LMOD1: variants seen among roughly 807,000 people sequenced by gnomAD.
LMOD1 encodes leiomodin-1.
LMOD1 carries 8 observed loss-of-function variants against 36.5 expected under a neutral mutation model. That is an observed-to-expected ratio of 0.22 (90% confidence interval 0.13 to 0.40). The LOEUF is 0.40. LMOD1 is among the 10% of genes least tolerant of loss of function. The probability of loss-of-function intolerance (pLI) is 1.00; values close to 1 mark genes in which losing one functional copy is unlikely to be tolerated. For missense variants in LMOD1, 630 were observed against 751.1 expected, an observed-to-expected ratio of 0.84 and a Z score of 1.88; for synonymous variants, 284 against 288.7, an observed-to-expected ratio of 0.98 and a Z score of 0.17.
At chr1:201,911,552 C>G (rs1337622171) in intron 1 of LMOD1, among the ~76,000 whole-genome samples, 1 of 152,152 alleles carries the variant, frequency 6.6e-6, no homozygotes, top group Non-Finnish European at 1.5e-5. Context: ...GTAATCCCAG[C>G]TACCCGGGAG....
At chr1:201,912,613 C>T (rs1349791725) in intron 1 of LMOD1, among the ~76,000 whole-genome samples, 2 of 152,202 alleles carry the variant, frequency 1.3e-5, no homozygotes, top group African/African-American at 4.8e-5. Context: ...AATCCCAGCA[C>T]TTTGGGAGGC....
At chr1:201,907,816 G>T (rs1016544396) in intron 1 of LMOD1, among the ~76,000 whole-genome samples, 1 of 152,054 alleles carries the variant, frequency 6.6e-6, no homozygotes, top group African/African-American at 2.4e-5. Context: ...GGCCTTGCTC[G>T]TTCATCCATT....
intron 1 of LMOD1, among the ~76,000 whole-genome samples, chr1:201,901,585 C>A (rs28703196): frequency 8.1e-4 from 4 of 4,962 alleles, no homozygotes; most frequent in East Asian, 4.4e-3. Context: ...TATATATATA[C>A]ATATATATAT....
chr1:201,935,793 G>A (rs1239195634), intron 1 of LMOD1, among the ~76,000 whole-genome samples: 1 of 151,246 alleles, frequency 6.6e-6, no homozygotes, highest in Non-Finnish European at 1.5e-5. Flanking sequence ...CTGATCTCAA[G>A]TGATCTGCCC....
At chr1:201,905,058 A>G (rs980268613) in intron 1 of LMOD1, among the ~76,000 whole-genome samples, 3 of 152,238 alleles carry the variant, frequency 2.0e-5, no homozygotes, top group Admixed American at 2.0e-4. Context: ...TTTAGGTTAG[A>G]TATAACAAAG....
At chr1:201,901,954 G>GTTA (rs201603952) in intron 1 of LMOD1, among the ~76,000 whole-genome samples, 1 of 100,562 alleles carries the variant, frequency 9.9e-6, no homozygotes, top group South Asian at 4.3e-4. Context: ...CATTATTATT[G>GTTA]TTATTATTAT....
rs377022521 is a variant in LMOD1 at position 201,900,113 on chromosome 1, G to T, written c.900C>A (p.Thr300=). ...CCTTGGCCGGTCCTTCAGAGGGCTT[G>T]GTGGGGCCACTGGGCGTCTGTTTCT... ...TPEKQTPSGP[T]KPSEGPAKVE... Residue 300 remains threonine (T), a synonymous_variant, in exon 2 of 3, where the codon ACC becomes ACA. Coordinates refer to ENST00000367288, the MANE Select transcript of LMOD1 (RefSeq NM_012134.3). 1 of 1,613,816 alleles carries T rather than the reference G, an allele frequency of 6.2e-7. No homozygotes were observed. The highest frequency in any genetic ancestry group is 8.5e-7 in the Non-Finnish European group (1 of 1,179,878).
At chr1:201,910,846 C>G (rs1681485490) in intron 1 of LMOD1, among the ~76,000 whole-genome samples, 2 of 143,712 alleles carry the variant, frequency 1.4e-5, no homozygotes, top group Non-Finnish European at 3.0e-5. Flanking sequence ...CCTCTGCCTC[C>G]TGGGTTCAAG....
At position 201,928,861 on chromosome 1, in the gene LMOD1, G is replaced by C. The variant is rs145198728; in HGVS notation, c.261+17219C>G. Among the ~76,000 whole-genome samples, 1,044 of 151,770 alleles carry C rather than the reference G, an allele frequency of 6.9e-3. 16 individuals are homozygous for C. Among genetic ancestry groups the C allele is most frequent in the South Asian group, 9.8e-3 (47 of 4,792 alleles). ...CTCCTGAATAGCTGGGATTACAGGT[G>C]TGTGCCACTATGCCTGGCTAACTTT... On this transcript the variant is annotated intron_variant, in intron 1 of 2. Coordinates refer to ENST00000367288, the MANE Select transcript of LMOD1 (RefSeq NM_012134.3).
rs61077548 is a variant in LMOD1, at chr1:201,936,096, CAAAAAAAAAAAAAAA to C, written c.261+9969_261+9983del. Among the ~76,000 whole-genome samples the C allele has an allele frequency of 1.4e-4, 10 of 73,096 alleles. No homozygotes were observed. In the South Asian group the frequency reaches 2.3e-3, roughly 17 times the overall value. The allele number at this position is 73,096 out of a possible 152,430, so 48.0% of individuals were successfully genotyped here. A position where few individuals can be genotyped will look rare whatever the true frequency, so the allele number is the denominator to read the frequency against. The stretch of plus-strand genomic sequence containing the variant: ...CACCATTGCACTCCAGACCTTGTCT[CAAAAAAAAAAAAAAA>C]AAAAAAAAAGACATCAAATTCACCC... On this transcript the variant is annotated intron_variant, in intron 1 of 2. Transcript: ENST00000367288.
At chr1:201,912,959 A>C (rs2819346) in intron 1 of LMOD1, among the ~76,000 whole-genome samples, 48,866 of 151,944 alleles carry the variant, frequency 0.32, 8,087 homozygotes, top group African/African-American at 0.34. Context: ...AGGCCTGCAA[A>C]CTTGAGGATG....
chr1:201,913,928 C>T (rs1356829255), intron 1 of LMOD1, among the ~76,000 whole-genome samples: 2 of 152,092 alleles, frequency 1.3e-5, no homozygotes, highest in Non-Finnish European at 2.9e-5. Flanking sequence ...TTGATAGACA[C>T]TTGGGCTGTT....
rs183764324 is a variant in LMOD1 at position 201,908,006 on chromosome 1, G to T, written c.262-7255C>A. ...CCCCCACCATAGAGCAGGCCTCCCC[G>T]CTGCTGAAGAGCTACCGCTTCAGCC... On this transcript the variant is annotated intron_variant, in intron 1 of 2. Coordinates refer to ENST00000367288, the MANE Select transcript of LMOD1 (RefSeq NM_012134.3). 3.9e-5 allele frequency among the ~76,000 whole-genome samples: 6 copies of T among 152,034 alleles called. No homozygotes were observed. The South Asian group carries it at 1.2e-3, about 32-fold the overall frequency.
chr1:201,910,758 T>TTTTTTC, intron 1 of LMOD1, among the ~76,000 whole-genome samples: 1 of 122,242 alleles, frequency 8.2e-6, no homozygotes, highest in Non-Finnish European at 1.7e-5. Context: ...TTTTTTTTTT[T>TTTTTTC]TTTTTTTTTT....
Position 201,898,007 on chromosome 1 carries a change from G to A in LMOD1, c.*365C>T, listed in dbSNP as rs1681222615. ...GAATCCTGGCCCTGGAGGGCAGTGGGGCTGGGGTGGATGTGGTCCCTGTGG... is the reference window on the plus strand; with the variant it reads ...GAATCCTGGCCCTGGAGGGCAGTGGAGCTGGGGTGGATGTGGTCCCTGTGG... On this transcript the variant is annotated 3_prime_UTR_variant, in exon 3 of 3. Coordinates refer to ENST00000367288, the MANE Select transcript of LMOD1 (RefSeq NM_012134.3). 2.1e-5 allele frequency: 5 copies of A among 242,422 alleles called. No homozygotes were observed. The East Asian group carries it at 4.8e-4, about 23-fold the overall frequency. 15.0% of individuals were successfully genotyped at this position (242,422 alleles called of 1,614,324 possible).
At chr1:201,941,850 G>A (rs1682123366) in intron 1 of LMOD1, among the ~76,000 whole-genome samples, 1 of 152,224 alleles carries the variant, frequency 6.6e-6, no homozygotes. Flanking sequence ...CCCTGGCTGG[G>A]TACAGGCGCT....
chr1:201,917,942 T>C (rs139806317), intron 1 of LMOD1, among the ~76,000 whole-genome samples: 1 of 152,252 alleles, frequency 6.6e-6, no homozygotes, highest in African/African-American at 2.4e-5. Context: ...AGCAGCTTTA[T>C]GGTGTCTGAC....
At chr1:201,912,789 G>A (rs1465798584) in intron 1 of LMOD1, among the ~76,000 whole-genome samples, 1 of 152,168 alleles carries the variant, frequency 6.6e-6, no homozygotes, top group Non-Finnish European at 1.5e-5. Context: ...AACCCGGGAG[G>A]CAGAGGTTGC....
chr1:201,903,560 A>C (rs978615293), intron 1 of LMOD1, among the ~76,000 whole-genome samples: 2 of 152,230 alleles, frequency 1.3e-5, no homozygotes, highest in Non-Finnish European at 2.9e-5. Context: ...AATAGAATGG[A>C]AACAAGGAAA....
Sources: allele counts gnomAD v4.1 joint callset (sites outside exome capture counted in the v4.1 genomes callset), GRCh38; gene constraint gnomAD v4.1.1; transcripts MANE v1.5; gene names NCBI Gene and HGNC (gene_info 2026-07-23, HGNC 2026-07-21).